Variants in GABBR2 observed in about 807,000 individuals in gnomAD.
The protein encoded by GABBR2 is gamma-aminobutyric acid type B receptor subunit 2, also known as G-protein coupled receptor 51.
In GABBR2, 23 loss-of-function variants were observed where a neutral mutation model predicts 105.6. The ratio of observed to expected loss-of-function variants is 0.22; its 90% confidence interval spans 0.16 to 0.31. The LOEUF is 0.31. GABBR2 is among the 10% of genes least tolerant of loss of function. The pLI, the probability that GABBR2 is intolerant of heterozygous loss-of-function variation, is 1.00. For synonymous variants in GABBR2, 478 were observed against 499.7 expected, an observed-to-expected ratio of 0.96 and a Z score of 0.58; for missense variants, 734 against 1,245.5, an observed-to-expected ratio of 0.59 and a Z score of 6.18.
At chr9:98,622,224 G>T (rs370065565) in intron 1 of GABBR2, among the ~76,000 whole-genome samples, 1 of 152,058 alleles carries the variant, frequency 6.6e-6, no homozygotes, top group East Asian at 1.9e-4. Flanking sequence ...GAGTGCAGTG[G>T]TGTCATCACA....
At chr9:98,587,234 C>G (rs2131791189) in intron 1 of GABBR2, among the ~76,000 whole-genome samples, 1 of 152,244 alleles carries the variant, frequency 6.6e-6, no homozygotes, top group Non-Finnish European at 1.5e-5. Context: ...ACTGGGTTGT[C>G]TTTTCCTTAT....
chr9:98,352,861 C>A (rs1425452777), intron 13 of GABBR2, among the ~76,000 whole-genome samples: 2 of 152,116 alleles, frequency 1.3e-5, no homozygotes, highest in African/African-American at 4.8e-5. Flanking sequence ...TGTCATAATG[C>A]TGCAGCCCTC....
chr9:98,527,832 T>C (rs1349719873), intron 3 of GABBR2, among the ~76,000 whole-genome samples: 2 of 152,096 alleles, frequency 1.3e-5, no homozygotes, highest in Admixed American at 6.6e-5. Flanking sequence ...TGAAGGCAAC[T>C]GTTAAGAAAG....
chr9:98,675,268 C>T (rs1234733981), intron 1 of GABBR2, among the ~76,000 whole-genome samples: 8 of 152,092 alleles, frequency 5.3e-5, no homozygotes, highest in East Asian at 3.9e-4. Context: ...AAGCAGGAGC[C>T]ACCATGGATG....
At chr9:98,635,106 A>G (rs1325055238) in intron 1 of GABBR2, among the ~76,000 whole-genome samples, 1 of 152,240 alleles carries the variant, frequency 6.6e-6, no homozygotes, top group African/African-American at 2.4e-5. Flanking sequence ...CTTACTCGAA[A>G]TACAACAATG....
At chr9:98,407,785 C>T (rs1014387035) in intron 7 of GABBR2, among the ~76,000 whole-genome samples, 3 of 152,162 alleles carry the variant, frequency 2.0e-5, no homozygotes, top group African/African-American at 7.2e-5. Flanking sequence ...TCAAAGCTTC[C>T]ATGGAATGAT....
intron 1 of GABBR2, among the ~76,000 whole-genome samples, chr9:98,649,535 C>T (rs977911174): frequency 6.6e-6 from 1 of 152,144 alleles, no homozygotes; most frequent in Non-Finnish European, 1.5e-5. Context: ...TTCCTTTTAC[C>T]CAAAATTGAC....
chr9:98,441,607 T>A (rs966823199), intron 7 of GABBR2, among the ~76,000 whole-genome samples: 1 of 152,232 alleles, frequency 6.6e-6, no homozygotes, highest in South Asian at 2.1e-4. Context: ...CCTCAGGTTA[T>A]CCACCTGCCT....
At chr9:98,588,020 G>T (rs1287177650) in intron 1 of GABBR2, among the ~76,000 whole-genome samples, 1 of 152,138 alleles carries the variant, frequency 6.6e-6, no homozygotes, top group Non-Finnish European at 1.5e-5. Context: ...GATTTCAGTG[G>T]TTTTTTGTTA....
In GABBR2 at chr9:98,581,491, A is replaced by AAGGAAGAG. The variant is rs1325976680; in HGVS notation, c.322-3427_322-3420dup. Among the ~76,000 whole-genome samples, 10 of 141,010 alleles carry AAGGAAGAG rather than the reference A, an allele frequency of 7.1e-5. No individual in the cohort carries two copies. The East Asian group carries it at 2.3e-3, about 33-fold the overall frequency. The allele number at this position is 141,010 out of a possible 152,430, so 92.5% of individuals were successfully genotyped here. On this transcript the variant is annotated intron_variant, in intron 1 of 18. Coordinates refer to ENST00000259455, the MANE Select transcript of GABBR2 (RefSeq NM_005458.8). ...AAAGAGAGAAAGGAAGGAGGAAAGG[A>AAGGAAGAG]AGGAAGAGAGGGAGGGAGGGAGGGA...
At chr9:98,450,212 C>T (rs1394706541) in intron 7 of GABBR2, among the ~76,000 whole-genome samples, 1 of 152,148 alleles carries the variant, frequency 6.6e-6, no homozygotes, top group Non-Finnish European at 1.5e-5. Context: ...ACTGTGTGTG[C>T]TGTATAATGA....
rs533742635 is a variant in GABBR2, at chr9:98,608,091, C to T, written c.322-30019G>A. ...ACGTATTTTAGAACAACGAACTCTTCGAGAACCTTGGAAAAGAACAAGAAG... is the reference window on the plus strand; with the variant it reads ...ACGTATTTTAGAACAACGAACTCTTTGAGAACCTTGGAAAAGAACAAGAAG... On this transcript the variant is annotated intron_variant, in intron 1 of 18. Coordinates refer to ENST00000259455, the MANE Select transcript of GABBR2 (RefSeq NM_005458.8). The T allele has an allele frequency of 4.3e-4, 562 of 1,310,744 alleles. 6 individuals are homozygous for T. In the South Asian group the frequency reaches 6.4e-3, roughly 15 times the overall value. The allele number at this position is 1,310,744 out of a possible 1,614,324, so 81.2% of individuals were successfully genotyped here. A position where few individuals can be genotyped will look rare whatever the true frequency, so the allele number is the denominator to read the frequency against.
chr9:98,440,904 G>A (rs894185658), intron 7 of GABBR2, among the ~76,000 whole-genome samples: 4 of 152,116 alleles, frequency 2.6e-5, no homozygotes, highest in Admixed American at 1.3e-4. Context: ...AAGCTCCTGG[G>A]CTAACATACC....
intron 3 of GABBR2, among the ~76,000 whole-genome samples, chr9:98,504,830 G>T (rs1304468464): frequency 6.6e-6 from 1 of 152,228 alleles, no homozygotes; most frequent in Non-Finnish European, 1.5e-5. Flanking sequence ...ATGCTAATTA[G>T]GATAAACAGG....
At position 98,361,601 on chromosome 9, in the gene GABBR2, GT is replaced by G. The variant is rs565798436; in HGVS notation, c.1893+1113del. Reference sequence around the variant, plus strand: ...CTTGCAGGGTGAATGGTGACCAGATGTCCCCCCGTCCAAAAATAGCCTGTCT... The same window carrying G: ...CTTGCAGGGTGAATGGTGACCAGATGCCCCCCGTCCAAAAATAGCCTGTCT... On this transcript the variant is annotated intron_variant, in intron 13 of 18. Transcript: ENST00000259455. 2.4e-3 allele frequency among the ~76,000 whole-genome samples: 361 copies of G among 152,268 alleles called. 3 individuals are homozygous for G. The highest frequency in any genetic ancestry group is 8.1e-3 in the African/African-American group (337 of 41,548).
chr9:98,292,752 G>A (rs1364889585), intron 18 of GABBR2, among the ~76,000 whole-genome samples: 1 of 152,256 alleles, frequency 6.6e-6, no homozygotes, highest in Non-Finnish European at 1.5e-5. Context: ...GGTGGGTCCT[G>A]TGGTTGTCAG....
At chr9:98,350,678 T>C (rs1214824204) in intron 13 of GABBR2, among the ~76,000 whole-genome samples, 1 of 152,208 alleles carries the variant, frequency 6.6e-6, no homozygotes, top group Non-Finnish European at 1.5e-5. Flanking sequence ...TCCTGGAGAA[T>C]GTTCCATGTG....
chr9:98,600,666 G>A (rs914665), intron 1 of GABBR2, among the ~76,000 whole-genome samples: 57,092 of 152,098 alleles, frequency 0.38, 11,123 homozygotes, highest in African/African-American at 0.48. Context: ...TAGTATCAAC[G>A]TTCACCTCTG....
chr9:98,566,640 A>T (rs1194054331), intron 2 of GABBR2, among the ~76,000 whole-genome samples: 1 of 151,844 alleles, frequency 6.6e-6, no homozygotes, highest in African/African-American at 2.4e-5. Flanking sequence ...GTGCCACTGC[A>T]CTCCAGCCTG....
Sources: allele counts gnomAD v4.1 joint callset (sites outside exome capture counted in the v4.1 genomes callset), GRCh38; gene constraint gnomAD v4.1.1; transcripts MANE v1.5; gene names NCBI Gene and HGNC (gene_info 2026-07-23, HGNC 2026-07-21).